PRIM2: variants seen among roughly 807,000 people sequenced by gnomAD.
PRIM2 encodes the protein DNA primase subunit 2.
In PRIM2, 39 loss-of-function variants were observed where a neutral mutation model predicts 67.3. That is an observed-to-expected ratio of 0.58 (90% confidence interval 0.45 to 0.76). PRIM2 has a LOEUF of 0.76. Among genes scored for constraint, PRIM2 ranks in the 30% least tolerant of loss-of-function variants. The pLI is 0.00. For synonymous variants in PRIM2, 143 were observed against 198.7 expected (o/e 0.72, Z 2.36); for missense variants, 398 against 598.7 (o/e 0.66, Z 3.50).
chr6:57,234,049 C>T, the PRIM2 span, among the ~76,000 whole-genome samples: 2 of 152,146 alleles, frequency 1.3e-5, no homozygotes, highest in African/African-American at 2.4e-5. Context: ...ATGCTACATA[C>T]ATCTATATGT....
chr6:57,224,493 TGAA>T, the PRIM2 span, among the ~76,000 whole-genome samples: 1 of 152,176 alleles, frequency 6.6e-6, no homozygotes, highest in Non-Finnish European at 1.5e-5. Context: ...CTTTGCAAGA[TGAA>T]GAAAGTCTGG....
In PRIM2 at chr6:57,448,065, T is replaced by C. The variant is rs146498394; in HGVS notation, c.694-59322T>C. 1.3e-3 allele frequency among the ~76,000 whole-genome samples: 191 copies of C among 152,306 alleles called. 5 individuals carry two copies. The East Asian group carries it at 0.016, about 13-fold the overall frequency. The stretch of plus-strand genomic sequence containing the variant: ...TCAACACTCAGTTTTTGAAAGTAAA[T>C]TTGAAAGAATATAAAAATATTGCCT... On this transcript the variant is annotated intron_variant, in intron 7 of 13. Transcript: ENST00000615550.
chr6:57,226,492 G>C, the PRIM2 span, among the ~76,000 whole-genome samples: 3 of 152,110 alleles, frequency 2.0e-5, no homozygotes, highest in Non-Finnish European at 2.9e-5. Flanking sequence ...GGTGGAAAGC[G>C]GTATGTAAAA....
intron 5 of PRIM2, among the ~76,000 whole-genome samples, chr6:57,374,588 G>A (rs534128374): frequency 3.6e-4 from 52 of 145,492 alleles, no homozygotes; most frequent in Admixed American, 2.4e-3. Context: ...CACCGCGCCC[G>A]GCCTTATTTA....
intron 7 of PRIM2, among the ~76,000 whole-genome samples, chr6:57,476,562 T>C (rs1773482261): frequency 1.3e-5 from 2 of 152,194 alleles, no homozygotes. Flanking sequence ...TATATAATAT[T>C]ATACCATGTA....
chr6:57,594,534 A>G (rs2127489525), intron 10 of PRIM2, among the ~76,000 whole-genome samples: 1 of 152,232 alleles, frequency 6.6e-6, no homozygotes, highest in East Asian at 1.9e-4. Flanking sequence ...TATGTGGTCA[A>G]ATTTGATGAG....
chr6:57,345,857 A>G (rs1268737054), intron 5 of PRIM2, among the ~76,000 whole-genome samples: 4 of 152,304 alleles, frequency 2.6e-5, no homozygotes, highest in Admixed American at 6.5e-5. Context: ...TAGGGAAGAG[A>G]TGGACAATTC....
chr6:57,333,053 T>C (rs1768109137), intron 5 of PRIM2, among the ~76,000 whole-genome samples: 1 of 152,178 alleles, frequency 6.6e-6, no homozygotes, highest in African/African-American at 2.4e-5. Context: ...CTTCGTGGTT[T>C]CCCTTAGAAT....
chr6:57,516,503 G>A (rs1219217216), intron 8 of PRIM2, among the ~76,000 whole-genome samples: 1 of 152,112 alleles, frequency 6.6e-6, no homozygotes, highest in Non-Finnish European at 1.5e-5. Flanking sequence ...TATAAGAAAT[G>A]AGTTCTTAAC....
chr6:57,372,144 AT>A (rs1348231246), intron 5 of PRIM2, among the ~76,000 whole-genome samples: 4 of 152,192 alleles, frequency 2.6e-5, no homozygotes, highest in Non-Finnish European at 5.9e-5. Flanking sequence ...GTTGTATTAC[AT>A]TTTTAGTTTC....
chr6:57,296,623 G>C, the PRIM2 span, among the ~76,000 whole-genome samples: 1 of 151,834 alleles, frequency 6.6e-6, no homozygotes, highest in Admixed American at 6.6e-5. Flanking sequence ...GTGGTGGTAG[G>C]GTGGTGGTAG....
At chr6:57,414,226 A>G (rs1380112176) in intron 7 of PRIM2, among the ~76,000 whole-genome samples, 1 of 152,138 alleles carries the variant, frequency 6.6e-6, no homozygotes, top group Non-Finnish European at 1.5e-5. Context: ...CCCTTTTGAT[A>G]TCTTCTTCAA....
chr6:57,364,410 T>A (rs954052357), intron 5 of PRIM2, among the ~76,000 whole-genome samples: 5 of 152,222 alleles, frequency 3.3e-5, no homozygotes, highest in African/African-American at 4.8e-5. Context: ...AGGGGTATTA[T>A]GTCAGGTATT....
In PRIM2 at chr6:57,357,187, C is replaced by T. The variant is rs562042196; in HGVS notation, c.460-22714C>T. Reference sequence around the variant, plus strand: ...GACTTTGTGATCCCCCCACATTGGCCTCCCAAAGTGCTGGGATTACAGGAG... The same window carrying T: ...GACTTTGTGATCCCCCCACATTGGCTTCCCAAAGTGCTGGGATTACAGGAG... On this transcript the variant is annotated intron_variant, in intron 5 of 13. Coordinates refer to ENST00000615550, the MANE Select transcript of PRIM2 (RefSeq NM_000947.5). Among the ~76,000 whole-genome samples, 71 of 152,258 alleles carry T rather than the reference C, an allele frequency of 4.7e-4. 1 individual carries two copies. The East Asian group carries it at 0.013, about 27-fold the overall frequency.
Position 57,472,344 on chromosome 6 carries a change from C to T in PRIM2, c.694-35043C>T, listed in dbSNP as rs1372934937. Among the ~76,000 whole-genome samples, 94 of 151,098 alleles carry T rather than the reference C, an allele frequency of 6.2e-4. No homozygotes were observed. In the Middle Eastern group the frequency reaches 0.01, roughly 16 times the overall value. ...ACTCGGGAGGCTGAGGCAGGAGAAT[C>T]GCTTGAACCCGGTAGGCGGAAGTTG... On this transcript the variant is annotated intron_variant, in intron 7 of 13. Coordinates refer to ENST00000615550, the MANE Select transcript of PRIM2 (RefSeq NM_000947.5).
At chr6:57,222,981 G>A in the PRIM2 span, among the ~76,000 whole-genome samples, 1 of 152,152 alleles carries the variant, frequency 6.6e-6, no homozygotes, top group African/African-American at 2.4e-5. Flanking sequence ...AGGGTGCACG[G>A]ACAGGCAGGT....
At chr6:57,483,165 C>A (rs1773670247) in intron 7 of PRIM2, among the ~76,000 whole-genome samples, 2 of 152,166 alleles carry the variant, frequency 1.3e-5, no homozygotes, top group South Asian at 4.1e-4. Flanking sequence ...GCCTCGGCCT[C>A]CCAAAGTGCT....
the PRIM2 span, among the ~76,000 whole-genome samples, chr6:57,240,105 T>TTG: frequency 6.9e-6 from 1 of 145,548 alleles, no homozygotes; most frequent in Non-Finnish European, 1.5e-5. Context: ...TTTTTTTTTT[T>TTG]TTTTTTTTTT....
chr6:57,269,807 A>G, the PRIM2 span, among the ~76,000 whole-genome samples: 1 of 152,104 alleles, frequency 6.6e-6, no homozygotes, highest in African/African-American at 2.4e-5. Flanking sequence ...TAATTTTTGT[A>G]TAAGATGTAA....
Sources: gnomAD v4.1 joint callset for allele counts (sites outside exome capture counted in the v4.1 genomes callset) on GRCh38, gnomAD v4.1.1 for gene constraint, MANE v1.5 for transcripts, NCBI Gene and HGNC (gene_info 2026-07-23, HGNC 2026-07-21) for gene names.